Variants in SH3KBP1 observed in about 807,000 individuals in gnomAD.
SH3KBP1 encodes SH3 domain-containing kinase-binding protein 1.
In SH3KBP1, 8 loss-of-function variants were observed where a neutral mutation model predicts 50.1. The observed-to-expected ratio is 0.16, with a 90% CI of 0.09 to 0.29. The LOEUF is 0.29. Ranked by LOEUF, SH3KBP1 falls within the 10% of genes least tolerant of loss-of-function variation. The pLI is 1.00. For synonymous variants in SH3KBP1, 227 were observed against 218.6 expected (o/e 1.04, Z -0.34); for missense variants, 377 against 535.2 (o/e 0.70, Z 2.92).
intron 2 of SH3KBP1, among the ~76,000 whole-genome samples, chrX:19,767,548 T>A (rs1352720157): frequency 9.0e-6 from 1 of 111,295 alleles, no homozygotes; most frequent in Non-Finnish European, 1.9e-5. Flanking sequence ...TTTATAAAAT[T>A]TGTCCTGAAA....
intron 2 of SH3KBP1, among the ~76,000 whole-genome samples, chrX:19,756,427 A>G (rs925334526): frequency 2.7e-5 from 3 of 110,762 alleles, no homozygotes; most frequent in Admixed American, 9.7e-5. Flanking sequence ...TTAGGGAGGG[A>G]TGTACCTAAT....
chrX:19,664,822 C>T (rs774380696), intron 6 of SH3KBP1: 2 of 112,162 alleles, frequency 1.8e-5, no homozygotes, highest in Admixed American at 1.9e-4. Flanking sequence ...TGTCTACTTT[C>T]TCAGCTTCTA....
intron 12 of SH3KBP1, among the ~76,000 whole-genome samples, chrX:19,575,014 C>A (rs1414329402): frequency 8.9e-6 from 1 of 112,118 alleles, no homozygotes; most frequent in African/African-American, 3.2e-5. Context: ...GAAATAAATT[C>A]TGTTGGTTAA....
chrX:19,711,734 G>A (rs755836216), intron 3 of SH3KBP1, among the ~76,000 whole-genome samples: 1 of 111,100 alleles, frequency 9.0e-6, no homozygotes, highest in South Asian at 3.8e-4. Flanking sequence ...CCTGGGGAAC[G>A]TGGCAGTATT....
chrX:19,853,074 T>A (rs767223892), intron 1 of SH3KBP1, among the ~76,000 whole-genome samples: 12 of 112,599 alleles, frequency 1.1e-4, no homozygotes, highest in Admixed American at 2.8e-4. Context: ...GGAGAGAAAG[T>A]CTGGAATAAA....
chrX:19,697,514 TA>T (rs1354649920), intron 4 of SH3KBP1, among the ~76,000 whole-genome samples: 1 of 112,026 alleles, frequency 8.9e-6, no homozygotes, highest in African/African-American at 3.2e-5. Flanking sequence ...AAATCTTCAC[TA>T]GGGGCTGCGG....
At chrX:19,623,578 G>A (rs866676986) in intron 8 of SH3KBP1, among the ~76,000 whole-genome samples, 6 of 111,915 alleles carry the variant, frequency 5.4e-5, no homozygotes, top group Non-Finnish European at 1.1e-4. Flanking sequence ...CCAGCTACTC[G>A]GAGGCTGAGG....
chrX:19,769,507 TTC>T (rs751788432), intron 2 of SH3KBP1, among the ~76,000 whole-genome samples: 2 of 111,067 alleles, frequency 1.8e-5, no homozygotes, highest in Non-Finnish European at 3.8e-5. Context: ...CAAAAAGAAA[TTC>T]TGTCTTAACT....
At chrX:19,828,386 T>C (rs889792418) in intron 2 of SH3KBP1, among the ~76,000 whole-genome samples, 1 of 111,886 alleles carries the variant, frequency 8.9e-6, no homozygotes, top group Admixed American at 9.5e-5. Flanking sequence ...TTTAACAATA[T>C]AATAGGCCTG....
intron 8 of SH3KBP1, among the ~76,000 whole-genome samples, chrX:19,618,958 C>A (rs1252956837): frequency 2.1e-5 from 2 of 95,860 alleles, no homozygotes; most frequent in Non-Finnish European, 4.0e-5. Context: ...AAGAGTGAGA[C>A]CCTGTCTTAA....
intron 2 of SH3KBP1, among the ~76,000 whole-genome samples, chrX:19,791,548 A>C (rs777956959): frequency 9.0e-6 from 1 of 110,623 alleles, no homozygotes; most frequent in Non-Finnish European, 1.9e-5. Flanking sequence ...AAAAAAAAAA[A>C]AAACCAAGAG....
At position 19,598,897 on chromosome X, in the gene SH3KBP1, T is replaced by C. The variant is rs549088933; in HGVS notation, c.1006-3897A>G. Among the ~76,000 whole-genome samples, 8 of 112,159 alleles carry C rather than the reference T, an allele frequency of 7.1e-5. No homozygotes were observed. The South Asian group carries it at 2.2e-3, about 31-fold the overall frequency. ...TGAAATGTTGTGAGAATTACCAAAA[T>C]GTAACACAAAGACATGAAGTGAGCA... On this transcript the variant is annotated intron_variant, in intron 9 of 17. Coordinates refer to ENST00000397821, the MANE Select transcript of SH3KBP1 (RefSeq NM_031892.3).
Position 19,652,413 on chromosome X carries a change from A to G in SH3KBP1, c.727-6938T>C, listed in dbSNP as rs111553696. Reference sequence around the variant, plus strand: ...TAGCCTGCTCTCTCACATTCTCTCAAGTTCCATATCTATTATGATCAAAAG... The same window carrying G: ...TAGCCTGCTCTCTCACATTCTCTCAGGTTCCATATCTATTATGATCAAAAG... On this transcript the variant is annotated intron_variant, in intron 6 of 17. Transcript: ENST00000397821. 3.6e-3 allele frequency among the ~76,000 whole-genome samples: 402 copies of G among 111,148 alleles called. 3 individuals are homozygous for G. Among genetic ancestry groups the G allele is most frequent in the African/African-American group, 0.013 (383 of 30,504 alleles).
chrX:19,629,211 A>G (rs775680400), intron 8 of SH3KBP1, among the ~76,000 whole-genome samples: 3 of 110,867 alleles, frequency 2.7e-5, no homozygotes, highest in South Asian at 4.0e-4. Context: ...AGGACACATA[A>G]GCAGGAGGGG....
At chrX:19,691,096 A>G (rs906382896) in intron 5 of SH3KBP1, among the ~76,000 whole-genome samples, 8 of 111,033 alleles carry the variant, frequency 7.2e-5, no homozygotes, top group Admixed American at 9.6e-5. Flanking sequence ...TTTTTGGACT[A>G]TTGATCTGTT....
At chrX:19,808,365 G>A (rs1428348746) in intron 2 of SH3KBP1, among the ~76,000 whole-genome samples, 1 of 110,007 alleles carries the variant, frequency 9.1e-6, no homozygotes, top group East Asian at 2.9e-4. Context: ...GAGTGGGGAA[G>A]GGGCTGAAGG....
At chrX:19,585,688 T>TACC (rs1040752481) in intron 12 of SH3KBP1, among the ~76,000 whole-genome samples, 1 of 101,952 alleles carries the variant, frequency 9.8e-6, no homozygotes, top group African/African-American at 3.8e-5. Context: ...CCACCACCAC[T>TACC]ACCAGCAGCA....
intron 8 of SH3KBP1, among the ~76,000 whole-genome samples, chrX:19,623,815 A>C (rs1036256385): frequency 1.1e-4 from 12 of 112,477 alleles, no homozygotes; most frequent in African/African-American, 3.9e-4. Flanking sequence ...ACTGTAATAC[A>C]TTACTTTCAT....
At chrX:19,777,506 AC>A (rs2066015123) in intron 2 of SH3KBP1, among the ~76,000 whole-genome samples, 2 of 110,497 alleles carry the variant, frequency 1.8e-5, no homozygotes, top group South Asian at 7.7e-4. Context: ...TCTGTTTTTA[AC>A]CCCCTAGTTC....
Sources: gnomAD v4.1 joint callset for allele counts (sites outside exome capture counted in the v4.1 genomes callset) on GRCh38, gnomAD v4.1.1 for gene constraint, MANE v1.5 for transcripts, NCBI Gene and HGNC (gene_info 2026-07-23, HGNC 2026-07-21) for gene names.